The following CD5 variants were observed in gnomAD, a reference collection of about 807,000 sequenced individuals.
The protein encoded by CD5 is T-cell surface glycoprotein CD5.
In CD5, 36 loss-of-function variants were observed where a neutral mutation model predicts 60.3. The observed-to-expected ratio is 0.60, with a 90% confidence interval of 0.46 to 0.79. The LOEUF (loss-of-function observed/expected upper bound fraction) is 0.79. Ranked by LOEUF, CD5 falls within the 30% of genes least tolerant of loss-of-function variation. The pLI is 0.00. For missense variants in CD5, 540 were observed against 630.6 expected, an observed-to-expected ratio of 0.86 and a Z score of 1.54; for synonymous variants, 230 against 257.6, an observed-to-expected ratio of 0.89 and a Z score of 1.03.
intron 10 of CD5, 47 bp downstream of exon 10, chr11:61,125,888 G>A: frequency 7.5e-7 from 1 of 1,342,274 alleles, no homozygotes; most frequent in Non-Finnish European, 1.0e-6. Flanking sequence ...GTCCCCCACA[G>A]TCCTGGGGGT....
chr11:61,124,377 T>C (rs1408863914), intron 8 of CD5, among the ~76,000 whole-genome samples: 1 of 152,188 alleles, frequency 6.6e-6, no homozygotes, highest in Non-Finnish European at 1.5e-5. Flanking sequence ...ATCAGAACCT[T>C]AATGGGCATT....
upstream of CD5, among the ~76,000 whole-genome samples, chr11:61,099,171 G>A (rs1019463660): frequency 6.6e-6 from 1 of 152,194 alleles, no homozygotes; most frequent in East Asian, 1.9e-4. Context: ...ACAGGGACAC[G>A]GAGCTCACAT....
chr11:61,116,570 C>T (rs1242525903), intron 2 of CD5, among the ~76,000 whole-genome samples: 1 of 81,690 alleles, frequency 1.2e-5, no homozygotes, highest in African/African-American at 4.6e-5. Context: ...ACCACACACA[C>T]ACCACACACA....
At chr11:61,094,360 G>A in the CD5 span, among the ~76,000 whole-genome samples, 1 of 152,108 alleles carries the variant, frequency 6.6e-6, no homozygotes, top group Non-Finnish European at 1.5e-5. Context: ...TTGAGTGGAA[G>A]CATGGCCCAA....
Position 61,118,937 on chromosome 11 carries a change from A to C in CD5, c.423A>C (p.Pro141=). 6.2e-7 allele frequency: 1 copy of C among 1,613,890 alleles called. No homozygotes were observed. Among genetic ancestry groups the C allele is most frequent in the South Asian group, 1.1e-5 (1 of 91,072 alleles). Residue 141 remains proline, a synonymous_variant, in exon 4 of 11, where the codon CCA becomes CCC. Coordinates refer to ENST00000347785, the MANE Select transcript of CD5 (RefSeq NM_014207.4). This position sits in a 1 kb window ranked among gnomAD's most constrained non-coding sequence, Gnocchi z 4.7. ...CAGAACCCCAGAAGACAACACCTCC[A>C]ACGACAAGGCCCCCGCCCACCACAA... The part of the protein sequence containing the change: ...TCLEPQKTTP[P]TTRPPPTTTP...
At chr11:61,110,273 A>C (rs1169213986) in intron 1 of CD5, among the ~76,000 whole-genome samples, 1 of 152,154 alleles carries the variant, frequency 6.6e-6, no homozygotes, top group South Asian at 2.1e-4. Context: ...TATACACAAC[A>C]CACTCAGGAA....
rs541657568 is a variant in CD5, at chr11:61,118,783, C to T, written c.401-132C>T. On this transcript the variant is annotated intron_variant, in intron 3 of 10. Coordinates refer to ENST00000347785, the MANE Select transcript of CD5 (RefSeq NM_014207.4). The surrounding 1 kb of genome is among the most constrained non-coding windows in gnomAD (Gnocchi z 4.7). ...CGCCTCGCAGGAGGCTTAGAGACAA[C>T]GTGTGGGTCAAGTGGACCTGGTGTG... 32 of 659,826 alleles carry T rather than the reference C, an allele frequency of 4.8e-5. No homozygotes were observed. The highest frequency in any genetic ancestry group is 8.1e-5 in the East Asian group (3 of 36,856). 40.9% of individuals were successfully genotyped at this position (659,826 alleles called of 1,614,324 possible).
In CD5 at chr11:61,127,371, C is replaced by A. The variant is rs572506191; in HGVS notation, c.*1086C>A. 59 of 152,442 alleles carry A rather than the reference C, an allele frequency of 3.9e-4. No homozygotes were observed. Among genetic ancestry groups the A allele is most frequent in the African/African-American group, 1.4e-3 (57 of 41,578 alleles). The allele number at this position is 152,442 out of a possible 1,614,324, so 9.4% of individuals were successfully genotyped here. ...AGGTGAAGCAACATGGGAACACATC[C>A]TAAGACAGGTCCTTTCTCCACGCCA... On this transcript the variant is annotated 3_prime_UTR_variant, in exon 11 of 11. Coordinates refer to ENST00000347785, the MANE Select transcript of CD5 (RefSeq NM_014207.4).
chr11:61,100,852 T>C (rs1452201975), upstream of CD5, among the ~76,000 whole-genome samples: 1 of 60,788 alleles, frequency 1.6e-5, no homozygotes, highest in Non-Finnish European at 3.2e-5. Flanking sequence ...GGAGATCACA[T>C]TCACACACAT....
the CD5 span, among the ~76,000 whole-genome samples, chr11:61,094,876 T>C: frequency 3.0e-4 from 45 of 152,240 alleles, no homozygotes; most frequent in Admixed American, 2.0e-4. Context: ...GAAGGAAGCC[T>C]GGACAGGTCC....
intron 7 of CD5, among the ~76,000 whole-genome samples, chr11:61,123,518 A>AT (rs1223939838): frequency 6.6e-6 from 1 of 152,178 alleles, no homozygotes; most frequent in Non-Finnish European, 1.5e-5. Flanking sequence ...TTAAGAGGAA[A>AT]TTATTCAGAC....
chr11:61,112,852 T>TCGGG (rs760237002), intron 1 of CD5, among the ~76,000 whole-genome samples: 1 of 152,230 alleles, frequency 6.6e-6, no homozygotes, highest in Non-Finnish European at 1.5e-5. Flanking sequence ...GAGTCTTGAT[T>TCGGG]CGGGGACAAG....
chr11:61,125,682 C>T (rs1590777176), intron 9 of CD5, 69 bp from the exon 10 acceptor site: 10 of 1,064,838 alleles, frequency 9.4e-6, no homozygotes, highest in East Asian at 7.7e-5. Flanking sequence ...CTGTGGGCAG[C>T]GGCTCTAGGA....
At chr11:61,101,582 T>G (rs1319864426), upstream of CD5, among the ~76,000 whole-genome samples, 1 of 129,994 alleles carries the variant, frequency 7.7e-6, no homozygotes, top group East Asian at 2.4e-4. Flanking sequence ...CACATCAACA[T>G]GGAAATCACA....
intron 5 of CD5, among the ~76,000 whole-genome samples, chr11:61,120,323 A>C (rs1861039232): frequency 6.6e-6 from 1 of 152,176 alleles, no homozygotes; most frequent in African/African-American, 2.4e-5. Context: ...GTTCTCAGTG[A>C]AGTCCACACT....
chr11:61,118,401 C>T lies in CD5; in HGVS notation c.321C>T (p.Cys107=), dbSNP rs750942769. ...ACACACCTCAGAGCTCAATCATCTG[C>T]TACGGACAACTGGGCTCCTTCTCCA... ...VTYTPQSSII[C]YGQLGSFSNC... is the part of the protein sequence containing the mutation. The change falls in exon 3 of 11, where the codon TGC becomes TGT. Residue 107 remains cysteine, a synonymous_variant. Coordinates refer to ENST00000347785, the MANE Select transcript of CD5 (RefSeq NM_014207.4). This position sits in a 1 kb window ranked among gnomAD's most constrained non-coding sequence, Gnocchi z 4.7. 68 of 1,614,162 alleles carry T rather than the reference C, an allele frequency of 4.2e-5. No homozygotes were observed. The highest frequency in any genetic ancestry group is 5.5e-5 in the Non-Finnish European group (65 of 1,180,052).
chr11:61,096,971 T>A, the CD5 span, among the ~76,000 whole-genome samples: 11 of 152,132 alleles, frequency 7.2e-5, no homozygotes, highest in Non-Finnish European at 1.3e-4. Flanking sequence ...CTTGCCAGTC[T>A]CCACGGAACA....
chr11:61,106,124 C>CAAAA lies in CD5; in HGVS notation c.55+3526_55+3529dup, dbSNP rs36003583. ...TGGGCAACAGAGCAAGACTCCATCTCAAAAAAAAAAAAAAAAAAAAGGCAC... is the reference window on the plus strand; with the variant it reads ...TGGGCAACAGAGCAAGACTCCATCTCAAAAAAAAAAAAAAAAAAAAAAAAGGCAC... On this transcript the variant is annotated intron_variant, in intron 1 of 10. Transcript: ENST00000347785. Among the ~76,000 whole-genome samples the CAAAA allele has an allele frequency of 3.1e-3, 254 of 81,440 alleles. 3 individuals carry two copies. Among genetic ancestry groups the CAAAA allele is most frequent in the Middle Eastern group, 7.7e-3 (1 of 130 alleles). 53.4% of individuals were successfully genotyped at this position (81,440 alleles called of 152,430 possible). A position where few individuals can be genotyped will look rare whatever the true frequency, so the allele number is the denominator to read the frequency against.
chr11:61,121,020 C>T (rs2134608680), intron 5 of CD5, among the ~76,000 whole-genome samples: 1 of 152,342 alleles, frequency 6.6e-6, no homozygotes, highest in South Asian at 2.1e-4. Context: ...GACTCCCAGG[C>T]CCCACCCTGG....
Sources: allele counts gnomAD v4.1 joint callset (sites outside exome capture counted in the v4.1 genomes callset), GRCh38; gene constraint gnomAD v4.1.1; non-coding constraint Gnocchi (gnomAD v3.1); transcripts MANE v1.5; gene names NCBI Gene and HGNC (gene_info 2026-07-23, HGNC 2026-07-21).